Variants in CNTN1 observed in about 807,000 individuals in gnomAD.
CNTN1 encodes contactin 1.
A neutral mutation model predicts 126.4 loss-of-function variants in CNTN1; 38 were observed. That is an observed-to-expected ratio of 0.30 (90% confidence interval 0.23 to 0.39). The LOEUF (loss-of-function observed/expected upper bound fraction) is 0.39. Ranked by LOEUF, CNTN1 falls within the 10% of genes least tolerant of loss-of-function variation. CNTN1 has a pLI of 1.00. For synonymous variants in CNTN1, 413 were observed against 422.6 expected, an observed-to-expected ratio of 0.98 and a Z score of 0.28; for missense variants, 1,009 against 1,248.4, an observed-to-expected ratio of 0.81 and a Z score of 2.89.
At chr12:40,701,358 T>A (rs1941590511) in intron 1 of CNTN1, among the ~76,000 whole-genome samples, 1 of 152,198 alleles carries the variant, frequency 6.6e-6, no homozygotes, top group African/African-American at 2.4e-5. Flanking sequence ...ACCAGAAGTT[T>A]TTATGCATTT....
intron 1 of CNTN1, among the ~76,000 whole-genome samples, chr12:40,748,813 G>T (rs538144106): frequency 6.6e-6 from 1 of 152,102 alleles, no homozygotes; most frequent in East Asian, 1.9e-4. Context: ...AAAAAAATGG[G>T]ATAAAGTCAA....
intron 3 of CNTN1, among the ~76,000 whole-genome samples, chr12:40,912,063 G>A (rs931858680): frequency 6.6e-6 from 1 of 152,264 alleles, no homozygotes; most frequent in African/African-American, 2.4e-5. Context: ...ATATATAATA[G>A]TTTTTAATGA....
At chr12:40,699,677 G>A (rs1198158749) in intron 1 of CNTN1, among the ~76,000 whole-genome samples, 1 of 152,036 alleles carries the variant, frequency 6.6e-6, no homozygotes, top group Non-Finnish European at 1.5e-5. Context: ...TACAAAGCAT[G>A]GTCACATGCA....
chr12:40,867,880 TTTATTATTA>T (rs138493484), intron 1 of CNTN1, among the ~76,000 whole-genome samples: 5 of 148,174 alleles, frequency 3.4e-5, no homozygotes, highest in African/African-American at 4.9e-5. Context: ...GCTTTCTGAG[TTTATTATTA>T]TTATTATTAT....
At chr12:40,765,045 C>T (rs1392258776) in intron 1 of CNTN1, among the ~76,000 whole-genome samples, 3 of 150,646 alleles carry the variant, frequency 2.0e-5, no homozygotes, top group African/African-American at 7.3e-5. Context: ...TAATTGGGTA[C>T]AATATTTTAT....
intron 23 of CNTN1, among the ~76,000 whole-genome samples, chr12:41,053,202 C>T (rs1310209408): frequency 1.3e-5 from 2 of 150,906 alleles, no homozygotes; most frequent in African/African-American, 2.4e-5. Context: ...ATCCCAAGTG[C>T]TTTCGTGACA....
At chr12:40,783,814 A>T (rs1939897326) in intron 1 of CNTN1, among the ~76,000 whole-genome samples, 1 of 152,150 alleles carries the variant, frequency 6.6e-6, no homozygotes, top group African/African-American at 2.4e-5. Flanking sequence ...GCTGAGGTAA[A>T]TATTATAAAA....
chr12:40,922,213 G>A, intron 4 of CNTN1, 43 bp from the exon 5 acceptor site: 1 of 1,568,874 alleles, frequency 6.4e-7, no homozygotes, highest in Non-Finnish European at 8.8e-7. Context: ...GAGTTTCTAG[G>A]TCTCATGACC....
chr12:40,927,012 T>C (rs1324990024), intron 6 of CNTN1, among the ~76,000 whole-genome samples: 2 of 152,030 alleles, frequency 1.3e-5, no homozygotes, highest in East Asian at 3.9e-4. Context: ...AGGTGGCAGT[T>C]CTATATGTGT....
chr12:40,970,771 C>T (rs946313199), intron 15 of CNTN1, among the ~76,000 whole-genome samples: 2 of 152,042 alleles, frequency 1.3e-5, no homozygotes, highest in Non-Finnish European at 1.5e-5. Flanking sequence ...TTAGGTAAAT[C>T]GATTAGATAT....
rs533931661 is a variant in CNTN1 at position 40,918,858 on chromosome 12, A to T, written c.227+87A>T. 2.7e-6 allele frequency: 4 copies of T among 1,507,970 alleles called. No homozygotes were observed. In the South Asian group the frequency reaches 4.6e-5, roughly 17 times the overall value. 93.4% of individuals were successfully genotyped at this position (1,507,970 alleles called of 1,614,324 possible). A position where few individuals can be genotyped will look rare whatever the true frequency, so the allele number is the denominator to read the frequency against. On this transcript the variant is annotated intron_variant, in intron 4 of 23. Transcript: ENST00000551295. ...CTATGAACTTGTACAGATGTAATATAGTGCTTTCTGCAAATTCCATGGACA... is the reference window on the plus strand; with the variant it reads ...CTATGAACTTGTACAGATGTAATATTGTGCTTTCTGCAAATTCCATGGACA...
At chr12:40,746,972 T>C (rs1938210396) in intron 1 of CNTN1, among the ~76,000 whole-genome samples, 2 of 152,064 alleles carry the variant, frequency 1.3e-5, no homozygotes, top group Admixed American at 6.6e-5. Flanking sequence ...GTGTGACAAC[T>C]GCCTGGCCAT....
intron 1 of CNTN1, among the ~76,000 whole-genome samples, chr12:40,831,022 GTA>G (rs1403501806): frequency 7.5e-6 from 1 of 134,208 alleles, no homozygotes; most frequent in African/African-American, 2.8e-5. Flanking sequence ...ATATAGTATA[GTA>G]TATATATTTA....
chr12:40,935,298 T>G (rs2136924927), intron 9 of CNTN1, among the ~76,000 whole-genome samples: 1 of 152,202 alleles, frequency 6.6e-6, no homozygotes, highest in Non-Finnish European at 1.5e-5. Flanking sequence ...TTTCTAAAGC[T>G]TATAGACCTG....
intron 17 of CNTN1, among the ~76,000 whole-genome samples, chr12:40,994,896 A>G (rs1274902913): frequency 1.3e-5 from 2 of 152,096 alleles, no homozygotes; most frequent in Non-Finnish European, 2.9e-5. Context: ...GCCGACTTTG[A>G]GAAAACTCAA....
intron 1 of CNTN1, among the ~76,000 whole-genome samples, chr12:40,848,621 T>C (rs1942603532): frequency 6.6e-6 from 1 of 152,260 alleles, no homozygotes; most frequent in South Asian, 2.1e-4. Context: ...ATAGATGTAA[T>C]AAAATGAAGG....
chr12:40,839,349 T>C (rs1942191255), intron 1 of CNTN1, among the ~76,000 whole-genome samples: 1 of 147,580 alleles, frequency 6.8e-6, no homozygotes, highest in South Asian at 2.1e-4. Context: ...AACAAAAAGA[T>C]TAGAAACTGT....
intron 17 of CNTN1, among the ~76,000 whole-genome samples, chr12:41,004,105 T>A (rs908522811): frequency 6.6e-6 from 1 of 152,206 alleles, no homozygotes; most frequent in Non-Finnish European, 1.5e-5. Flanking sequence ...CTCTTAACAC[T>A]GCATTAGCTG....
intron 23 of CNTN1, among the ~76,000 whole-genome samples, chr12:41,037,676 AC>A (rs1949296810): frequency 6.6e-6 from 1 of 150,498 alleles, no homozygotes; most frequent in Non-Finnish European, 1.5e-5. Context: ...ACACACACAC[AC>A]ACACACACAC....
Sources: gnomAD v4.1 joint callset for allele counts (sites outside exome capture counted in the v4.1 genomes callset) on GRCh38, gnomAD v4.1.1 for gene constraint, MANE v1.5 for transcripts, NCBI Gene and HGNC (gene_info 2026-07-23, HGNC 2026-07-21) for gene names.